Variants in TMEM74 observed in about 807,000 individuals in gnomAD.
TMEM74 encodes the protein transmembrane protein 74.
A neutral mutation model predicts 18.1 loss-of-function variants in TMEM74; 13 were observed. The observed-to-expected ratio is 0.72, with a 90% CI of 0.47 to 1.14. TMEM74 has a LOEUF of 1.14. Ranked by LOEUF, TMEM74 falls within the 50% of genes most tolerant of loss-of-function variation. The pLI, the probability that TMEM74 is intolerant of heterozygous loss-of-function variation, is 0.00. For synonymous variants in TMEM74, 159 were observed against 146.6 expected (o/e 1.08, Z -0.61); for missense variants, 372 against 375.9 (o/e 0.99, Z 0.09).
rs541499957 is a variant in TMEM74 at position 108,769,022 on chromosome 8, G to T, written n.119+18454C>A. 6.6e-4 allele frequency among the ~76,000 whole-genome samples: 101 copies of T among 152,216 alleles called. 1 individual carries two copies. The highest frequency in any genetic ancestry group is 3.4e-3 in the Middle Eastern group (1 of 294). On this transcript the variant is annotated intron_variant and non_coding_transcript_variant, in intron 1 of 3. Coordinates refer to the TMEM74 transcript ENST00000518838. ...CTTAATATTAAAAATGTCACGTGAGGCAGGGCATGGAGGCTCACGCCTATA... is the reference window on the plus strand; with the variant it reads ...CTTAATATTAAAAATGTCACGTGAGTCAGGGCATGGAGGCTCACGCCTATA...
intron 1 of TMEM74, among the ~76,000 whole-genome samples, chr8:108,769,387 T>C (rs1390358090): frequency 6.6e-6 from 1 of 152,102 alleles, no homozygotes; most frequent in African/African-American, 2.4e-5. Flanking sequence ...TCTTTGCAAC[T>C]GAGAATTTCT....
chr8:108,768,780 T>C (rs1210501398), intron 1 of TMEM74, among the ~76,000 whole-genome samples: 1 of 152,174 alleles, frequency 6.6e-6, no homozygotes, highest in African/African-American at 2.4e-5. Context: ...CTAAGGATCA[T>C]GGAATTCTAG....
At position 108,779,271 on chromosome 8, in the gene TMEM74, C is replaced by T. The variant is rs182808402; in HGVS notation, c.*4910G>A. On this transcript the variant is annotated 3_prime_UTR_variant, in exon 2 of 2. Transcript: ENST00000297459. ...AGTAAAATTAACAGCACGATGAGAACCACAGGGTACAAACTCTCAATACAC... is the reference window on the plus strand; with the variant it reads ...AGTAAAATTAACAGCACGATGAGAATCACAGGGTACAAACTCTCAATACAC... 1.1e-3 allele frequency among the ~76,000 whole-genome samples: 171 copies of T among 152,190 alleles called. 1 individual carries two copies. Among genetic ancestry groups the T allele is most frequent in the African/African-American group, 3.8e-3 (156 of 41,526 alleles).
At position 108,667,820 on chromosome 8, in the gene TMEM74, C is replaced by T. The variant is rs974654313; in HGVS notation, n.120-12383G>A. ...ACACCCTCCCAGCCCCATCCCCTGC[C>T]AGATTTCAGCATTCTGCTCTCTGTT... is the stretch of plus-strand genomic sequence containing the variant. On this transcript the variant is annotated intron_variant and non_coding_transcript_variant, in intron 1 of 3. Coordinates refer to the TMEM74 transcript ENST00000518838. Among the ~76,000 whole-genome samples the T allele has an allele frequency of 3.3e-5, 5 of 152,130 alleles. No individual in the cohort carries two copies. In the East Asian group the frequency reaches 9.6e-4, roughly 29 times the overall value.
chr8:108,753,809 C>G (rs1030032083), intron 1 of TMEM74, among the ~76,000 whole-genome samples: 1 of 152,020 alleles, frequency 6.6e-6, no homozygotes, highest in Non-Finnish European at 1.5e-5. Context: ...TTCATCTGCT[C>G]TTTGTTCCTC....
chr8:108,608,024 C>T (rs1430838046), intron 3 of TMEM74, among the ~76,000 whole-genome samples: 1 of 151,974 alleles, frequency 6.6e-6, no homozygotes, highest in Non-Finnish European at 1.5e-5. Flanking sequence ...AACTAAACGG[C>T]CAGGCGCAGT....
At chr8:108,671,649 G>C (rs1813006132) in intron 1 of TMEM74, among the ~76,000 whole-genome samples, 1 of 152,096 alleles carries the variant, frequency 6.6e-6, no homozygotes, top group Non-Finnish European at 1.5e-5. Context: ...GGTGGAGAGA[G>C]ATTAGTGGTC....
chr8:108,778,109 GAA>G (rs1444033664), downstream of TMEM74, among the ~76,000 whole-genome samples: 7 of 151,998 alleles, frequency 4.6e-5, 1 homozygote, highest in Non-Finnish European at 7.4e-5. Flanking sequence ...GAGAAGATGA[GAA>G]TATTTATGTT....
At chr8:108,620,842 G>A (rs376006551) in intron 2 of TMEM74, among the ~76,000 whole-genome samples, 1 of 152,054 alleles carries the variant, frequency 6.6e-6, no homozygotes, top group African/African-American at 2.4e-5. Flanking sequence ...AGAGTAAAGA[G>A]AAAGAAACTA....
chr8:108,659,100 T>C (rs543957964), intron 1 of TMEM74, among the ~76,000 whole-genome samples: 1 of 152,192 alleles, frequency 6.6e-6, no homozygotes, highest in South Asian at 2.1e-4. Flanking sequence ...AGGAGTTAAA[T>C]GTGATAAACC....
At position 108,623,489 on chromosome 8, in the gene TMEM74, T is replaced by C. The variant is rs1391511701; in HGVS notation, n.265-14663A>G. 6.6e-5 allele frequency among the ~76,000 whole-genome samples: 10 copies of C among 152,110 alleles called. No individual in the cohort carries two copies. The South Asian group carries it at 8.3e-4, about 13-fold the overall frequency. ...TCTTAGGTGCAGATAACAGTGTTTCTATGTTGGCTGTGAATAGCCTTTAAT... is the reference window on the plus strand; with the variant it reads ...TCTTAGGTGCAGATAACAGTGTTTCCATGTTGGCTGTGAATAGCCTTTAAT... On this transcript the variant is annotated intron_variant and non_coding_transcript_variant, in intron 2 of 3. Transcript: ENST00000518838.
intron 1 of TMEM74, among the ~76,000 whole-genome samples, chr8:108,770,928 G>A (rs1814164122): frequency 6.6e-6 from 1 of 152,026 alleles, no homozygotes; most frequent in Admixed American, 6.6e-5. Flanking sequence ...CTGTTCAGAG[G>A]AGAATCAATC....
chr8:108,742,923 T>A (rs1209858565), intron 1 of TMEM74, among the ~76,000 whole-genome samples: 1 of 152,204 alleles, frequency 6.6e-6, no homozygotes, highest in African/African-American at 2.4e-5. Flanking sequence ...AGTGTAACAT[T>A]TCAATCAGGA....
At chr8:108,680,211 C>A (rs1214982124) in intron 1 of TMEM74, among the ~76,000 whole-genome samples, 1 of 151,916 alleles carries the variant, frequency 6.6e-6, no homozygotes, top group East Asian at 1.9e-4. Context: ...GAGACACAAC[C>A]AAAAAAGAGA....
intron 1 of TMEM74, among the ~76,000 whole-genome samples, chr8:108,678,626 C>T (rs1229606992): frequency 6.6e-6 from 1 of 151,122 alleles, no homozygotes; most frequent in Admixed American, 6.6e-5. Flanking sequence ...TCCCGCTTTG[C>T]TCCCACTGCC....
In TMEM74 at chr8:108,742,136, G is replaced by A. The variant is rs1813807037; in HGVS notation, n.119+45340C>T. Among the ~76,000 whole-genome samples, 3 of 151,986 alleles carry A rather than the reference G, an allele frequency of 2.0e-5. No individual in the cohort carries two copies. In the East Asian group the frequency reaches 5.8e-4, roughly 29 times the overall value. On this transcript the variant is annotated intron_variant and non_coding_transcript_variant, in intron 1 of 3. Transcript: ENST00000518838. ...ACAAAGAAGGGAGCAACAGACACTG[G>A]GGTCGGGTTGAGGGTGGGAGGAGGG...
At chr8:108,644,984 A>G (rs1812702715) in intron 2 of TMEM74, among the ~76,000 whole-genome samples, 1 of 152,188 alleles carries the variant, frequency 6.6e-6, no homozygotes, top group South Asian at 2.1e-4. Flanking sequence ...CATTCGACCC[A>G]ACAATCTGAT....
At chr8:108,623,973 A>G (rs1215863337) in intron 2 of TMEM74, among the ~76,000 whole-genome samples, 2 of 152,042 alleles carry the variant, frequency 1.3e-5, no homozygotes, top group African/African-American at 4.8e-5. Flanking sequence ...TTCTTATCTG[A>G]AAACTTTGGG....
chr8:108,763,514 A>C (rs1022942532), intron 1 of TMEM74, among the ~76,000 whole-genome samples: 8 of 152,152 alleles, frequency 5.3e-5, no homozygotes, highest in African/African-American at 1.9e-4. Context: ...GACGCTTGGC[A>C]TTTGAATTTA....
Sources: gnomAD v4.1 joint callset for allele counts (sites outside exome capture counted in the v4.1 genomes callset) on GRCh38, gnomAD v4.1.1 for gene constraint, MANE v1.5 for transcripts, NCBI Gene and HGNC (gene_info 2026-07-23, HGNC 2026-07-21) for gene names.